The following XPR1 variants were observed in gnomAD, a reference collection of about 807,000 sequenced individuals.
XPR1 encodes solute carrier family 53 member 1.
In XPR1, 28 loss-of-function variants were observed where a neutral mutation model predicts 87.5. That is an observed-to-expected ratio of 0.32 (90% confidence interval 0.24 to 0.44). The LOEUF is 0.44. Ranked by LOEUF, XPR1 falls within the 20% of genes least tolerant of loss-of-function variation. XPR1 has a pLI of 1.00. For synonymous variants in XPR1, 300 were observed against 306.1 expected (o/e 0.98, Z 0.21); for missense variants, 559 against 862.3 (o/e 0.65, Z 4.41).
At chr1:180,652,029 C>A (rs574978072) in intron 1 of XPR1, among the ~76,000 whole-genome samples, 4 of 152,172 alleles carry the variant, frequency 2.6e-5, no homozygotes, top group Non-Finnish European at 4.4e-5. Context: ...TGGTGGCTCA[C>A]GCCTGTAATT....
chr1:180,885,505 A>T lies in XPR1; in HGVS notation c.*1439A>T, dbSNP rs1246116797. ...TTCCCTTTGTTCCTTAGTCATCCAA[A>T]TAAGCCTGAAAACCATAAGAGATAT... On this transcript the variant is annotated 3_prime_UTR_variant, in exon 15 of 15. Transcript: ENST00000367590. The T allele has an allele frequency of 6.6e-6, 1 of 152,188 alleles. No individual in the cohort carries two copies. Among genetic ancestry groups the T allele is most frequent in the African/African-American group, 2.4e-5 (1 of 41,444 alleles). The allele number at this position is 152,188 out of a possible 1,614,324, so 9.4% of individuals were successfully genotyped here. A position where few individuals can be genotyped will look rare whatever the true frequency, so the allele number is the denominator to read the frequency against.
intron 2 of XPR1, among the ~76,000 whole-genome samples, chr1:180,729,054 A>G (rs1042127367): frequency 6.6e-6 from 1 of 152,080 alleles, no homozygotes; most frequent in Admixed American, 6.6e-5. Flanking sequence ...ATGTGTGCTG[A>G]ATGTTTAGCT....
Position 180,651,428 on chromosome 1 carries a change from A to G in XPR1, c.69+19158A>G, listed in dbSNP as rs57972704. On this transcript the variant is annotated intron_variant, in intron 1 of 14. Transcript: ENST00000367590. ...CTTAAACAACATTGTGATAAGATGA[A>G]TGACTGTATTTCATGGATACTAAGA... is the stretch of plus-strand genomic sequence containing the variant. Among the ~76,000 whole-genome samples the G allele has an allele frequency of 2.6e-5, 4 of 152,262 alleles. No homozygotes were observed. In the East Asian group the frequency reaches 7.7e-4, roughly 29 times the overall value.
chr1:180,711,194 T>C (rs1199371544), intron 2 of XPR1, among the ~76,000 whole-genome samples: 1 of 151,656 alleles, frequency 6.6e-6, no homozygotes, highest in Non-Finnish European at 1.5e-5. Flanking sequence ...GAGACGCTCC[T>C]CACTTCCCAG....
At chr1:180,805,912 TTAG>T in intron 4 of XPR1, 147 bp from the exon 5 acceptor site, 2 of 740,342 alleles carry the variant, frequency 2.7e-6, no homozygotes, top group Non-Finnish European at 4.2e-6. Flanking sequence ...AGTCATCCTT[TTAG>T]TAGTAGATGC....
At position 180,840,782 on chromosome 1, in the gene XPR1, A is replaced by AAT. The variant is rs151035297; in HGVS notation, c.1501+4077_1501+4078dup. 5.2e-3 allele frequency among the ~76,000 whole-genome samples: 782 copies of AAT among 151,838 alleles called. 6 individuals carry two copies. The highest frequency in any genetic ancestry group is 0.014 in the African/African-American group (574 of 41,414). On this transcript the variant is annotated intron_variant, in intron 11 of 14. Transcript: ENST00000367590. ...CTTAAAACAGAGAGGAAAAAATTGA[A>AAT]ATATATATATATGTATATATGTCCA...
chr1:180,638,209 C>T (rs1654850401), intron 1 of XPR1, among the ~76,000 whole-genome samples: 1 of 151,976 alleles, frequency 6.6e-6, no homozygotes, highest in Non-Finnish European at 1.5e-5. Context: ...TTATTTCATC[C>T]TTGTGTCATC....
At chr1:180,694,773 G>GCACACACA (rs56118040) in intron 2 of XPR1, among the ~76,000 whole-genome samples, 1,749 of 149,616 alleles carry the variant, frequency 0.012, 9 homozygotes, top group African/African-American at 0.019. Context: ...ATTGTTGTGT[G>GCACACACA]CACACACACA....
intron 3 of XPR1, among the ~76,000 whole-genome samples, chr1:180,790,731 C>T (rs1209493455): frequency 2.0e-5 from 3 of 151,884 alleles, no homozygotes; most frequent in Non-Finnish European, 4.4e-5. Context: ...TTAGTAGAGA[C>T]GGGGTTTCAC....
chr1:180,786,864 GC>G (rs1649160913), intron 2 of XPR1, among the ~76,000 whole-genome samples: 2 of 152,056 alleles, frequency 1.3e-5, no homozygotes, highest in African/African-American at 4.8e-5. Context: ...TCATCTACTT[GC>G]CCAACACATT....
Position 180,632,249 on chromosome 1 carries a change from G to A in XPR1, c.48G>A (p.Arg16=), listed in dbSNP as rs1317691384. 1.1e-5 allele frequency: 18 copies of A among 1,612,448 alleles called. No homozygotes were observed. Among genetic ancestry groups the A allele is most frequent in the Non-Finnish European group, 1.4e-5 (17 of 1,179,108 alleles). The change falls in exon 1 of 15, where the codon AGG becomes AGA. Residue 16 remains arginine (R), a synonymous_variant. Coordinates refer to ENST00000367590, the MANE Select transcript of XPR1 (RefSeq NM_004736.4). The part of the protein sequence containing the change: ...HLSAHITPEW[R]KQYIQYEAFK... ...CCGCGCACATCACTCCCGAGTGGAG[G>A]AAGCAATACATCCAGTATGAGGTAC...
At chr1:180,842,134 G>C (rs1052227614) in intron 11 of XPR1, among the ~76,000 whole-genome samples, 2 of 152,178 alleles carry the variant, frequency 1.3e-5, no homozygotes, top group Admixed American at 6.5e-5. Context: ...TGAAATGTAT[G>C]TGTACTGTTA....
At chr1:180,730,854 A>G (rs922814789) in intron 2 of XPR1, among the ~76,000 whole-genome samples, 10 of 151,298 alleles carry the variant, frequency 6.6e-5, no homozygotes, top group Admixed American at 2.0e-4. Flanking sequence ...TTTTGTAGAG[A>G]TGAGGTCTTG....
At chr1:180,826,459 G>A (rs1224801048) in intron 9 of XPR1, among the ~76,000 whole-genome samples, 2 of 152,156 alleles carry the variant, frequency 1.3e-5, no homozygotes, top group East Asian at 3.9e-4. Context: ...CAGGTGAGAG[G>A]ATTGCTTGAG....
chr1:180,645,368 A>G (rs1035806658), intron 1 of XPR1, among the ~76,000 whole-genome samples: 2 of 152,206 alleles, frequency 1.3e-5, no homozygotes, highest in African/African-American at 4.8e-5. Context: ...TGTTTGAAAC[A>G]TGTCAGAAAT....
intron 2 of XPR1, among the ~76,000 whole-genome samples, chr1:180,727,386 T>A (rs889908084): frequency 1.3e-5 from 2 of 152,072 alleles, no homozygotes; most frequent in South Asian, 2.1e-4. Context: ...ATGTCACGCT[T>A]GTAATCCAGC....
At position 180,651,244 on chromosome 1, in the gene XPR1, A is replaced by G. The variant is rs1229018995; in HGVS notation, c.69+18974A>G. ...GTAGCTGGGATTACGGGTGCCCGCT[A>G]CCACACCCAGCTAATTTGTGTATTT... is the stretch of plus-strand genomic sequence containing the variant. On this transcript the variant is annotated intron_variant, in intron 1 of 14. Transcript: ENST00000367590. Among the ~76,000 whole-genome samples, 4 of 152,002 alleles carry G rather than the reference A, an allele frequency of 2.6e-5. 1 individual carries two copies. The highest frequency in any genetic ancestry group is 9.7e-5 in the African/African-American group (4 of 41,438).
intron 2 of XPR1, among the ~76,000 whole-genome samples, chr1:180,754,203 A>G (rs1282299701): frequency 2.0e-5 from 3 of 152,154 alleles, no homozygotes; most frequent in Non-Finnish European, 2.9e-5. Context: ...AGATCCTAGT[A>G]TGTCTTATAC....
At chr1:180,759,127 G>A (rs1200625654) in intron 2 of XPR1, among the ~76,000 whole-genome samples, 1 of 152,206 alleles carries the variant, frequency 6.6e-6, no homozygotes, top group Non-Finnish European at 1.5e-5. Context: ...GTGTGTAGAA[G>A]GAAATTTATA....
Sources: gnomAD v4.1 joint callset for allele counts (sites outside exome capture counted in the v4.1 genomes callset) on GRCh38, gnomAD v4.1.1 for gene constraint, MANE v1.5 for transcripts, NCBI Gene and HGNC (gene_info 2026-07-23, HGNC 2026-07-21) for gene names.